The following LAMC3 variants were observed in gnomAD, a reference collection of about 807,000 sequenced individuals.
The protein encoded by LAMC3 is laminin subunit gamma 3.
LAMC3 carries 128 observed loss-of-function variants against 173.8 expected under a neutral mutation model. The observed-to-expected ratio is 0.74, with a 90% confidence interval of 0.64 to 0.85. LAMC3 has a LOEUF of 0.85. LAMC3 is among the 40% of genes least tolerant of loss of function. LAMC3 has a pLI of 0.00. For synonymous variants in LAMC3, 897 were observed against 909.1 expected (o/e 0.99, Z 0.24); for missense variants, 2,022 against 2,156.0 (o/e 0.94, Z 1.23).
intron 24 of LAMC3, 134 bp from the exon 25 acceptor site, chr9:131,085,390 C>CAT: frequency 1.2e-6 from 1 of 816,230 alleles, no homozygotes; most frequent in Non-Finnish European, 2.1e-6. Flanking sequence ...GCGATATGCA[C>CAT]GTTGCATGCA....
chr9:131,028,648 C>T (rs1367828256), intron 2 of LAMC3, among the ~76,000 whole-genome samples: 3 of 152,144 alleles, frequency 2.0e-5, no homozygotes, highest in Non-Finnish European at 2.9e-5. Flanking sequence ...GAAAGGCTAC[C>T]GGCTCACATC....
At position 131,072,721 on chromosome 9, in the gene LAMC3, C is replaced by T. The variant is rs1830056432; in HGVS notation, c.3303C>T (p.Ala1101=). The change falls in exon 19 of 28, where the codon GCC becomes GCT. Residue 1101 remains alanine (A), a synonymous_variant. Transcript: ENST00000361069. ...REQLQRLNKG[A]RCAQAGSQKT... is the part of the protein sequence containing the mutation. ...AGCTGCAGAGGCTGAACAAGGGTGC[C>T]CGCTGTGCCCAGGCCGGATCCCAGA... 1.2e-6 allele frequency: 2 copies of T among 1,612,382 alleles called. No individual in the cohort carries two copies. Among genetic ancestry groups the T allele is most frequent in the African/African-American group, 1.3e-5 (1 of 74,896 alleles).
At chr9:131,027,827 G>A (rs1370434158) in intron 2 of LAMC3, among the ~76,000 whole-genome samples, 2 of 152,158 alleles carry the variant, frequency 1.3e-5, no homozygotes, top group African/African-American at 4.8e-5. Flanking sequence ...TAGAGAGGAC[G>A]GCTGGCCTGT....
chr9:131,068,173 G>A lies in LAMC3; in HGVS notation c.2689G>A (p.Asp897Asn), dbSNP rs1315961049. Reference protein sequence around the residue: ...CSCLPHVTARDCSRCYPGFFD... With the variant: ...CSCLPHVTARNCSRCYPGFFD... ...CTGCCTGCCTCATGTGACTGCACGG[G>A]ACTGCAGCCGCTGCTACCCTGGCTT... Residue 897 changes from aspartate to asparagine, a missense_variant, in exon 15 of 28, where the codon GAC becomes AAC. Asp to Asn is a conservative substitution (Grantham distance 23). Coordinates refer to ENST00000361069, the MANE Select transcript of LAMC3 (RefSeq NM_006059.4). 6.2e-7 allele frequency: 1 copy of A among 1,613,198 alleles called. No individual in the cohort carries two copies. The highest frequency in any genetic ancestry group is 8.5e-7 in the Non-Finnish European group (1 of 1,179,890).
At position 131,091,627 on chromosome 9, in the gene LAMC3, G is replaced by A; in HGVS notation, c.4568G>A (p.Gly1523Glu). The change falls in exon 28 of 28, where the codon GGG (glycine) becomes GAG (glutamate). Residue 1523 changes from glycine (G) to glutamate (E), a missense_variant. Gly to Glu is a moderately conservative substitution (Grantham distance 98, BLOSUM62 -2). Coordinates refer to ENST00000361069, the MANE Select transcript of LAMC3 (RefSeq NM_006059.4). ...CTGAGGCTGCAGCTGGGCTCCCCGG[G>A]GTCCTTGCAGAGGAAACTCAGTCTG... Reference protein sequence around the residue: ...ERLRLQLGSPGSLQRKLSLLE... With the variant: ...ERLRLQLGSPESLQRKLSLLE... The A allele has an allele frequency of 6.3e-7, 1 of 1,599,160 alleles. No individual in the cohort carries two copies. The highest frequency in any genetic ancestry group is 8.5e-7 in the Non-Finnish European group (1 of 1,173,354).
At chr9:131,012,048 A>AAC (rs3837236) in intron 1 of LAMC3, among the ~76,000 whole-genome samples, 25,951 of 137,990 alleles carry the variant, frequency 0.19, 3,470 homozygotes, top group African/African-American at 0.39. Flanking sequence ...GTAGAGAGCG[A>AAC]ACACACACAC....
chr9:131,048,877 C>T, intron 8 of LAMC3, 143 bp from the exon 9 acceptor site: 1 of 599,864 alleles, frequency 1.7e-6, no homozygotes, highest in Non-Finnish European at 3.0e-6. Flanking sequence ...TCTGACCATG[C>T]CCCCAAGCAG....
intron 24 of LAMC3, among the ~76,000 whole-genome samples, chr9:131,083,865 CTTTTTTTTTTTTTTTT>C (rs61109597): frequency 2.0e-5 from 1 of 49,218 alleles, no homozygotes; most frequent in Non-Finnish European, 3.5e-5. Flanking sequence ...GTAATAAGTG[CTTTTTTTTTTTTTTTT>C]TTTTTTTTTT....
intron 22 of LAMC3, among the ~76,000 whole-genome samples, chr9:131,077,701 A>C (rs1183103465): frequency 1.4e-4 from 21 of 149,456 alleles, no homozygotes; most frequent in East Asian, 9.7e-4. Context: ...AAAAAAAAAA[A>C]AAAAAAAAAA....
At chr9:131,068,692 C>T (rs1829986300) in intron 15 of LAMC3, among the ~76,000 whole-genome samples, 1 of 152,146 alleles carries the variant, frequency 6.6e-6, no homozygotes, top group African/African-American at 2.4e-5. Flanking sequence ...CACGTTTGTC[C>T]CCATAGCCTT....
At chr9:131,068,291 G>T in intron 15 of LAMC3, 60 bp downstream of exon 15, 1 of 1,556,524 alleles carries the variant, frequency 6.4e-7, no homozygotes. Flanking sequence ...GAAGGCATCG[G>T]GCAGCCCCCA....
At chr9:131,046,685 C>T (rs1414402) in intron 8 of LAMC3, among the ~76,000 whole-genome samples, 71,335 of 151,258 alleles carry the variant, frequency 0.47, 16,957 homozygotes, top group African/African-American at 0.51. Context: ...CTGTGGTGGC[C>T]TATACCGTGG....
intron 1 of LAMC3, among the ~76,000 whole-genome samples, chr9:131,025,326 A>G (rs1290979596): frequency 1.3e-5 from 2 of 152,018 alleles, no homozygotes; most frequent in African/African-American, 2.4e-5. Flanking sequence ...TCCCTCTACC[A>G]CAGCCATCCT....
Position 131,064,576 on chromosome 9 carries a change from T to C in LAMC3, c.2348-2384T>C, listed in dbSNP as rs1829890007. On this transcript the variant is annotated intron_variant, in intron 13 of 27. Transcript: ENST00000361069. ...TACGCGGGAGGCTGAGGCAGGAGAA[T>C]GGCGTGAACCCCGGGGGGCGGAGCC... Among the ~76,000 whole-genome samples, 3 of 148,774 alleles carry C rather than the reference T, an allele frequency of 2.0e-5. No individual in the cohort carries two copies. The South Asian group carries it at 6.4e-4, about 32-fold the overall frequency.
At chr9:131,068,843 C>A in intron 15 of LAMC3, 65 bp from the exon 16 acceptor site, 3 of 1,588,428 alleles carry the variant, frequency 1.9e-6, no homozygotes, top group Non-Finnish European at 2.6e-6. Flanking sequence ...CAGCTGCAGC[C>A]GGCAGAGGCT....
intron 1 of LAMC3, among the ~76,000 whole-genome samples, chr9:131,019,819 C>G (rs1464991831): frequency 1.3e-5 from 2 of 151,610 alleles, no homozygotes; most frequent in East Asian, 3.9e-4. Flanking sequence ...CATGGAGGTC[C>G]CACCCGCCCC....
At chr9:131,010,152 C>CA (rs35239233) in intron 1 of LAMC3, among the ~76,000 whole-genome samples, 741 of 39,414 alleles carry the variant, frequency 0.019, 19 homozygotes, top group East Asian at 0.055. Flanking sequence ...AACTCCGTCT[C>CA]AAAAAAAAAA....
In LAMC3 at chr9:131,075,874, G is replaced by T; in HGVS notation, c.3538G>T (p.Ala1180Ser). 6.2e-7 allele frequency: 1 copy of T among 1,612,398 alleles called. No homozygotes were observed. ...CAAGATCGCAGCCACTGCTTGGAGGGCCCTGCTCGCCTCCAACACCAGCTA... is the reference window on the plus strand; with the variant it reads ...CAAGATCGCAGCCACTGCTTGGAGGTCCCTGCTCGCCTCCAACACCAGCTA... ...ATKIAATAWR[A>S]LLASNTSYAL... Residue 1180 changes from alanine to serine, a missense_variant, in exon 21 of 28, where the codon GCC becomes TCC. Transcript: ENST00000361069.
intron 8 of LAMC3, among the ~76,000 whole-genome samples, chr9:131,046,330 GTA>G (rs1834158106): frequency 2.0e-5 from 3 of 150,946 alleles, no homozygotes; most frequent in African/African-American, 7.3e-5. Flanking sequence ...AGCCTCCTGA[GTA>G]GCTAGGACCA....
Sources: allele counts gnomAD v4.1 joint callset (sites outside exome capture counted in the v4.1 genomes callset), GRCh38; gene constraint gnomAD v4.1.1; transcripts MANE v1.5; gene names NCBI Gene and HGNC (gene_info 2026-07-23, HGNC 2026-07-21).